SMC5: variants seen among roughly 807,000 people sequenced by gnomAD.
The protein encoded by SMC5 is structural maintenance of chromosomes 5.
In SMC5, 88 loss-of-function variants were observed where a neutral mutation model predicts 148.3. That is an observed-to-expected ratio of 0.59 (90% confidence interval 0.50 to 0.71). The LOEUF (loss-of-function observed/expected upper bound fraction) is 0.71, where lower values mean the gene tolerates loss of function less well. Among genes scored for constraint, SMC5 ranks in the 30% least tolerant of loss-of-function variants. The pLI is 0.00. For missense variants in SMC5, 1,142 were observed against 1,298.9 expected (o/e 0.88, Z 1.86); for synonymous variants, 421 against 432.8 (o/e 0.97, Z 0.34).
At chr9:70,344,108 TA>T in intron 17 of SMC5, 35 bp from the exon 18 acceptor site, 1 of 1,353,846 alleles carries the variant, frequency 7.4e-7, no homozygotes. Context: ...GCTTTAACAT[TA>T]ACATTCAAAT....
At chr9:70,346,554 C>A (rs2036671265) in intron 18 of SMC5, 51 bp from the exon 19 acceptor site, 1 of 1,585,862 alleles carries the variant, frequency 6.3e-7, no homozygotes, top group Non-Finnish European at 8.6e-7. Flanking sequence ...GTTCTAACTT[C>A]TTGCTCTCTT....
intron 3 of SMC5, 55 bp from the exon 4 acceptor site, chr9:70,277,255 C>A: frequency 8.2e-7 from 1 of 1,220,708 alleles, no homozygotes; most frequent in Non-Finnish European, 1.1e-6. Context: ...AATTTTATTT[C>A]TAAACTAATG....
chr9:70,293,881 G>C (rs2035129424), intron 8 of SMC5, among the ~76,000 whole-genome samples: 1 of 152,146 alleles, frequency 6.6e-6, no homozygotes, highest in African/African-American at 2.4e-5. Flanking sequence ...TTGCCAAAAT[G>C]TTCCAGAATT....
At chr9:70,269,682 C>T (rs1308588847) in intron 3 of SMC5, among the ~76,000 whole-genome samples, 2 of 152,120 alleles carry the variant, frequency 1.3e-5, no homozygotes, top group Admixed American at 1.3e-4. Flanking sequence ...CAAGTTGATT[C>T]TAAACTTCAT....
chr9:70,336,691 G>A (rs1467174422), intron 17 of SMC5, among the ~76,000 whole-genome samples: 2 of 152,186 alleles, frequency 1.3e-5, no homozygotes, highest in African/African-American at 2.4e-5. Context: ...CCATGCTGAA[G>A]TTACTTCATT....
Position 70,259,153 on chromosome 9 carries a change from G to A in SMC5, c.75G>A (p.Ser25=). The A allele has an allele frequency of 6.2e-7, 1 of 1,612,524 alleles. No individual in the cohort carries two copies. Among genetic ancestry groups the A allele is most frequent in the Admixed American group, 1.7e-5 (1 of 59,826 alleles). The change falls in exon 1 of 25, where the codon TCG becomes TCA. Residue 25 remains serine, a synonymous_variant. Coordinates refer to ENST00000361138, the MANE Select transcript of SMC5 (RefSeq NM_015110.4). ...PSKRALPRDP[S]SEVPSKRKNS... ...AGAGAGCTCTCCCGAGAGACCCTTCGTCGGAGGTCCCGAGCAAGAGGAAGA... is the reference window on the plus strand; with the variant it reads ...AGAGAGCTCTCCCGAGAGACCCTTCATCGGAGGTCCCGAGCAAGAGGAAGA...
chr9:70,263,040 A>T (rs1255943664), intron 1 of SMC5, among the ~76,000 whole-genome samples: 4 of 152,154 alleles, frequency 2.6e-5, no homozygotes, highest in Non-Finnish European at 5.9e-5. Context: ...TAGGCCAGAA[A>T]TTCTCATGCT....
intron 2 of SMC5, among the ~76,000 whole-genome samples, chr9:70,264,846 T>TA (rs1479758502): frequency 1.3e-5 from 2 of 152,208 alleles, no homozygotes; most frequent in African/African-American, 4.8e-5. Context: ...AGAGAATATT[T>TA]ACACCTAGAT....
Position 70,353,350 on chromosome 9 carries a change from A to G in SMC5, c.*1019A>G, listed in dbSNP as rs2036844882. The G allele has an allele frequency of 6.6e-6, 1 of 152,166 alleles. No homozygotes were observed. Among genetic ancestry groups the G allele is most frequent in the African/African-American group, 2.4e-5 (1 of 41,456 alleles). The allele number at this position is 152,166 out of a possible 1,614,324, so 9.4% of individuals were successfully genotyped here. On this transcript the variant is annotated 3_prime_UTR_variant, in exon 25 of 25. Coordinates refer to ENST00000361138, the MANE Select transcript of SMC5 (RefSeq NM_015110.4). The stretch of plus-strand genomic sequence containing the variant: ...CCCATTATCTTAGAAAATCTAGTTT[A>G]AACTGTTTTCTTTCACCGCAAAAGA...
intron 3 of SMC5, among the ~76,000 whole-genome samples, chr9:70,270,353 G>A (rs939955653): frequency 2.6e-5 from 4 of 152,152 alleles, no homozygotes; most frequent in South Asian, 2.1e-4. Context: ...GATGTGTTTC[G>A]TAATCTGGGA....
chr9:70,349,344 G>A (rs2118847541), intron 22 of SMC5, among the ~76,000 whole-genome samples: 1 of 152,264 alleles, frequency 6.6e-6, no homozygotes, highest in East Asian at 1.9e-4. Context: ...TGGGATTACA[G>A]GCATGAGCCA....
chr9:70,270,377 C>T (rs905975728), intron 3 of SMC5, among the ~76,000 whole-genome samples: 37 of 152,160 alleles, frequency 2.4e-4, no homozygotes, highest in Admixed American at 1.9e-3. Context: ...CTCTGAAACC[C>T]ATGGTTCAGG....
At chr9:70,284,890 AT>A (rs530460590) in intron 7 of SMC5, among the ~76,000 whole-genome samples, 1,959 of 147,824 alleles carry the variant, frequency 0.013, 34 homozygotes, top group South Asian at 0.073. Context: ...AATACTTGTA[AT>A]TTTTTTTTTT....
intron 5 of SMC5, among the ~76,000 whole-genome samples, chr9:70,279,011 C>T (rs1451541954): frequency 2.0e-5 from 3 of 152,060 alleles, no homozygotes; most frequent in Non-Finnish European, 2.9e-5. Context: ...ATAGCACTTC[C>T]GTTGAACCAA....
chr9:70,331,937 AAG>A (rs1312695501), intron 17 of SMC5, among the ~76,000 whole-genome samples: 2 of 152,150 alleles, frequency 1.3e-5, no homozygotes, highest in Admixed American at 1.3e-4. Flanking sequence ...ACTGCTTGGA[AAG>A]AGTTTCCACA....
Position 70,278,575 on chromosome 9 carries a change from A to G in SMC5, c.628A>G (p.Lys210Glu). The change falls in exon 5 of 25, where the codon AAA becomes GAA. Residue 210 changes from lysine to glutamate, a missense_variant. Around this residue, in one of 5 missense-constraint regions of SMC5, gnomAD observed 297 missense variants for 302.6 expected, o/e 0.98. Coordinates refer to ENST00000361138, the MANE Select transcript of SMC5 (RefSeq NM_015110.4). ...EKSIGPPEMH[K>E]YHCELKNLRE... is the part of the protein sequence containing the mutation. ...GTCAATTGGTCCCCCAGAAATGCAC[A>G]AATATCACTGTGAACTCAAAAACTT... is the stretch of plus-strand genomic sequence containing the variant. 1.2e-6 allele frequency: 2 copies of G among 1,612,168 alleles called. No individual in the cohort carries two copies. Among genetic ancestry groups the G allele is most frequent in the Non-Finnish European group, 8.5e-7 (1 of 1,179,418 alleles).
At chr9:70,304,489 C>A (rs1394159474) in intron 10 of SMC5, among the ~76,000 whole-genome samples, 1 of 152,120 alleles carries the variant, frequency 6.6e-6, no homozygotes, top group Non-Finnish European at 1.5e-5. Flanking sequence ...GAGTTCGAGA[C>A]CAGCCTGGCC....
rs768152761 is a variant in SMC5 at position 70,298,203 on chromosome 9, C to T, written c.1291C>T (p.Leu431=). ...IIDKRRERET[L]EKEKKSVDDH... ...TGATAAGCGAAGAGAGAGGGAAACT[C>T]TAGAGAAGGAGAAAAAGAGTAAGTT... Residue 431 remains leucine (L), a synonymous_variant, in exon 9 of 25, where the codon CTA becomes TTA. Transcript: ENST00000361138. 2 of 1,611,396 alleles carry T rather than the reference C, an allele frequency of 1.2e-6. No homozygotes were observed. Among genetic ancestry groups the T allele is most frequent in the Non-Finnish European group, 8.5e-7 (1 of 1,179,214 alleles).
chr9:70,284,904 A>G (rs191980836), intron 7 of SMC5, among the ~76,000 whole-genome samples: 276 of 151,100 alleles, frequency 1.8e-3, no homozygotes, highest in African/African-American at 5.3e-3. Context: ...TTTTTTTTTA[A>G]TTCCAGGCAG....
Sources: gnomAD v4.1 joint callset for allele counts (sites outside exome capture counted in the v4.1 genomes callset) on GRCh38, gnomAD v4.1.1 for gene constraint, gnomAD v4.1.1 regional missense constraint, MANE v1.5 for transcripts, NCBI Gene and HGNC (gene_info 2026-07-23, HGNC 2026-07-21) for gene names.